The following DPP10 variants were observed in gnomAD, a reference collection of about 807,000 sequenced individuals.
DPP10 encodes the protein inactive dipeptidyl peptidase 10.
In DPP10, 33 loss-of-function variants were observed where a neutral mutation model predicts 120.9. The observed-to-expected ratio is 0.27, with a 90% CI of 0.21 to 0.37. The LOEUF (loss-of-function observed/expected upper bound fraction) is 0.37, where lower values mean the gene tolerates loss of function less well. Ranked by LOEUF, DPP10 falls within the 10% of genes least tolerant of loss-of-function variation. The pLI is 1.00. For synonymous variants in DPP10, 337 were observed against 326.1 expected (o/e 1.03, Z -0.36); for missense variants, 816 against 942.8 (o/e 0.87, Z 1.76).
intron 12 of DPP10, among the ~76,000 whole-genome samples, chr2:115,766,012 A>G (rs545853336): frequency 6.6e-6 from 1 of 152,012 alleles, no homozygotes; most frequent in Admixed American, 6.6e-5. Context: ...ATAGTTATTA[A>G]TTGACTGATT....
chr2:114,568,049 TAAAA>T (rs34026877), intron 1 of DPP10, among the ~76,000 whole-genome samples: 2 of 127,578 alleles, frequency 1.6e-5, no homozygotes, highest in African/African-American at 2.9e-5. Flanking sequence ...AGAGATACTG[TAAAA>T]AAAAAAAAAA....
intron 1 of DPP10, among the ~76,000 whole-genome samples, chr2:114,760,330 C>T (rs1680170897): frequency 6.6e-6 from 1 of 152,100 alleles, no homozygotes; most frequent in Non-Finnish European, 1.5e-5. Flanking sequence ...CATCCCCCAG[C>T]CAATTAATTA....
At chr2:115,589,108 A>C (rs539546575) in intron 5 of DPP10, among the ~76,000 whole-genome samples, 123 of 152,286 alleles carry the variant, frequency 8.1e-4, no homozygotes, top group African/African-American at 2.9e-3. Context: ...AGCTAGCAAA[A>C]ATCTATGATG....
chr2:115,657,978 T>C (rs2088548259), intron 5 of DPP10, among the ~76,000 whole-genome samples: 1 of 151,962 alleles, frequency 6.6e-6, no homozygotes. Context: ...TAAGATGTTA[T>C]ATGTCATATT....
chr2:115,310,134 A>G (rs773850078), intron 2 of DPP10, among the ~76,000 whole-genome samples: 3 of 152,148 alleles, frequency 2.0e-5, no homozygotes, highest in Non-Finnish European at 4.4e-5. Flanking sequence ...CTCAAAGACC[A>G]AACACCCACA....
At chr2:115,563,929 T>C (rs2080840607) in intron 5 of DPP10, among the ~76,000 whole-genome samples, 1 of 152,208 alleles carries the variant, frequency 6.6e-6, no homozygotes, top group African/African-American at 2.4e-5. Flanking sequence ...TTTATCTAAA[T>C]GCCTAAGATT....
intron 1 of DPP10, among the ~76,000 whole-genome samples, chr2:114,470,437 T>A (rs977214880): frequency 3.9e-5 from 6 of 152,210 alleles, no homozygotes; most frequent in African/African-American, 1.4e-4. Context: ...AGCTGAAGTT[T>A]CAAGTCACCT....
At chr2:114,512,488 G>A (rs938592842) in intron 1 of DPP10, among the ~76,000 whole-genome samples, 1 of 152,304 alleles carries the variant, frequency 6.6e-6, no homozygotes, top group Non-Finnish European at 1.5e-5. Context: ...CAAACCTGAT[G>A]AGATGCACAA....
At chr2:114,565,880 C>G (rs1176812000) in intron 1 of DPP10, among the ~76,000 whole-genome samples, 1 of 152,098 alleles carries the variant, frequency 6.6e-6, no homozygotes, top group Non-Finnish European at 1.5e-5. Flanking sequence ...AGAATAGATT[C>G]ATTCATTCAT....
chr2:114,717,527 A>T (rs182493921), intron 1 of DPP10, among the ~76,000 whole-genome samples: 71 of 152,360 alleles, frequency 4.7e-4, no homozygotes, highest in African/African-American at 1.6e-3. Flanking sequence ...AAAGGTAAAG[A>T]TTTATAATTT....
At chr2:115,066,377 T>C (rs890974569) in intron 1 of DPP10, among the ~76,000 whole-genome samples, 1 of 47,286 alleles carries the variant, frequency 2.1e-5, no homozygotes. Flanking sequence ...ATCAAGATTA[T>C]GCAAAAAAAT....
intron 1 of DPP10, among the ~76,000 whole-genome samples, chr2:115,300,507 C>T (rs1054425207): frequency 2.0e-5 from 3 of 152,068 alleles, no homozygotes; most frequent in African/African-American, 7.2e-5. Context: ...GGGTTGTTTC[C>T]ACCTTTTGGC....
intron 7 of DPP10, among the ~76,000 whole-genome samples, chr2:115,699,050 CAAGAG>C (rs2091760636): frequency 8.4e-5 from 7 of 82,968 alleles, no homozygotes; most frequent in Non-Finnish European, 1.0e-4. Context: ...AAAAAAAAAA[CAAGAG>C]AAGACTCAAA....
chr2:114,568,558 C>T (rs990708184), intron 1 of DPP10, among the ~76,000 whole-genome samples: 6 of 152,194 alleles, frequency 3.9e-5, no homozygotes, highest in Non-Finnish European at 7.4e-5. Context: ...CCACCCATCC[C>T]ATTATCGCCT....
At chr2:115,501,936 TATA>T (rs1340883736) in intron 4 of DPP10, among the ~76,000 whole-genome samples, 2 of 152,030 alleles carry the variant, frequency 1.3e-5, no homozygotes, top group Non-Finnish European at 2.9e-5. Context: ...ATATCTTAAT[TATA>T]ATAATAATTA....
At chr2:115,243,356 C>G (rs1168140771) in intron 1 of DPP10, among the ~76,000 whole-genome samples, 1 of 151,966 alleles carries the variant, frequency 6.6e-6, no homozygotes, top group African/African-American at 2.4e-5. Flanking sequence ...CTTGCCCATG[C>G]TATATGTCTG....
chr2:115,280,899 C>G (rs1052002504), intron 1 of DPP10, among the ~76,000 whole-genome samples: 3 of 152,162 alleles, frequency 2.0e-5, no homozygotes, highest in Non-Finnish European at 4.4e-5. Flanking sequence ...CTTGAGAATT[C>G]TATCCTATCT....
intron 1 of DPP10, among the ~76,000 whole-genome samples, chr2:114,580,824 ACT>A (rs1171648676): frequency 6.7e-6 from 1 of 149,902 alleles, no homozygotes; most frequent in Non-Finnish European, 1.5e-5. Context: ...AAAGGCAAAC[ACT>A]CTTTGTCAAA....
intron 1 of DPP10, among the ~76,000 whole-genome samples, chr2:114,717,907 C>T (rs1350747113): frequency 2.6e-5 from 4 of 152,186 alleles, no homozygotes; most frequent in African/African-American, 7.2e-5. Flanking sequence ...ACATATCTCA[C>T]ACTTCTGATG....
Sources: allele counts gnomAD v4.1 joint callset (sites outside exome capture counted in the v4.1 genomes callset), GRCh38; gene constraint gnomAD v4.1.1; transcripts MANE v1.5; gene names NCBI Gene and HGNC (gene_info 2026-07-23, HGNC 2026-07-21).